RRP12: variants seen among roughly 807,000 people sequenced by gnomAD.
The protein encoded by RRP12 is ribosomal RNA processing 12 homolog.
In RRP12, 78 loss-of-function variants were observed where a neutral mutation model predicts 157.3. The observed-to-expected ratio is 0.50, with a 90% CI of 0.41 to 0.60. The LOEUF is 0.60. RRP12 is among the 20% of genes least tolerant of loss of function. RRP12 has a pLI of 0.00. For missense variants in RRP12, 1,521 were observed against 1,679.9 expected (o/e 0.91, Z 1.65); for synonymous variants, 726 against 670.9 (o/e 1.08, Z -1.27).
intron 15 of RRP12, among the ~76,000 whole-genome samples, chr10:97,378,088 T>C (rs1026058162): frequency 2.0e-5 from 3 of 151,688 alleles, no homozygotes; most frequent in Non-Finnish European, 2.9e-5. Flanking sequence ...AGAAGATAAA[T>C]AGAGAGAGGA....
In RRP12 at chr10:97,370,916, C is replaced by G. The variant is rs1021369163; in HGVS notation, c.2502+7G>C. The G allele has an allele frequency of 6.2e-7, 1 of 1,613,956 alleles. No homozygotes were observed. The highest frequency in any genetic ancestry group is 8.5e-7 in the Non-Finnish European group (1 of 1,179,898). On this transcript the variant is annotated splice_region_variant and intron_variant, in intron 21 of 33. Coordinates refer to ENST00000370992, the MANE Select transcript of RRP12 (RefSeq NM_015179.4). The stretch of plus-strand genomic sequence containing the variant: ...CTCGGCAGAGCGGGTGGCCCTAGAG[C>G]CCTCACCCTCTTGGCGGGTGAGGAG...
At chr10:97,373,766 G>A (rs1844226952) in intron 16 of RRP12, 29 bp from the exon 17 acceptor site, 2 of 1,612,762 alleles carry the variant, frequency 1.2e-6, no homozygotes, top group South Asian at 1.1e-5. Flanking sequence ...ATAAAGGAAG[G>A]TGACACGCAG....
intron 13 of RRP12, among the ~76,000 whole-genome samples, chr10:97,380,232 C>T (rs1844428696): frequency 1.3e-5 from 2 of 152,194 alleles, no homozygotes; most frequent in Non-Finnish European, 2.9e-5. Flanking sequence ...GAGACCCTGT[C>T]CTCCCACCAG....
intron 13 of RRP12, 124 bp from the exon 14 acceptor site, chr10:97,379,894 G>C: frequency 4.5e-6 from 4 of 885,624 alleles, no homozygotes; most frequent in Non-Finnish European, 6.5e-6. Context: ...AGAGGGTACA[G>C]ACTGAGAACC....
At position 97,390,493 on chromosome 10, in the gene RRP12, G is replaced by A. The variant is rs1209403600; in HGVS notation, c.683C>T (p.Ala228Val). The A allele has an allele frequency of 1.2e-6, 2 of 1,613,992 alleles. No individual in the cohort carries two copies. Among genetic ancestry groups the A allele is most frequent in the Non-Finnish European group, 1.7e-6 (2 of 1,180,032 alleles). ...ATLLRKQDLE[A>V]WGYPVTLQVY... The stretch of plus-strand genomic sequence containing the variant: ...CTGAAGGGTCACGGGGTAGCCCCAG[G>A]CCTCCAGGTCTTGCTTCCGCAGAAG... Residue 228 changes from alanine to valine, a missense_variant, in exon 6 of 34, where the codon GCC becomes GTC. Transcript: ENST00000370992.
Position 97,370,252 on chromosome 10 carries a change from G to A in RRP12, c.2712C>T (p.Val904=), listed in dbSNP as rs1474703024. 6.3e-7 allele frequency: 1 copy of A among 1,599,780 alleles called. No individual in the cohort carries two copies. Residue 904 remains valine, a synonymous_variant, in exon 24 of 34, where the codon GTC becomes GTT. Coordinates refer to ENST00000370992, the MANE Select transcript of RRP12 (RefSeq NM_015179.4). ...NQEEALQCYL[V]LIYPGLVGAV... ...CGCCCACCAGGCCAGGGTAGATCAG[G>A]ACGAGGTAGCACTGCAGGGCCTCTG...
intron 6 of RRP12, among the ~76,000 whole-genome samples, chr10:97,389,070 G>A (rs1001549474): frequency 6.6e-6 from 1 of 152,120 alleles, no homozygotes; most frequent in Non-Finnish European, 1.5e-5. Context: ...GTACTTTGCA[G>A]ATAACCAAGC....
chr10:97,379,486 C>T, intron 14 of RRP12, 72 bp from the exon 15 acceptor site: 1 of 1,603,170 alleles, frequency 6.2e-7, no homozygotes, highest in East Asian at 2.2e-5. Flanking sequence ...GCATACTGAG[C>T]CCAGGACAGA....
intron 10 of RRP12, among the ~76,000 whole-genome samples, chr10:97,382,196 T>C (rs1206844237): frequency 6.6e-6 from 1 of 152,142 alleles, no homozygotes; most frequent in Non-Finnish European, 1.5e-5. Context: ...CTTTTTTTTT[T>C]TTGCAGTGGT....
intron 33 of RRP12, among the ~76,000 whole-genome samples, chr10:97,358,277 G>A (rs1445878272): frequency 6.6e-6 from 1 of 151,996 alleles, no homozygotes; most frequent in Non-Finnish European, 1.5e-5. Flanking sequence ...AGATTGCAGT[G>A]AGCCAAGATC....
rs748776619 is a variant in RRP12 at position 97,358,552 on chromosome 10, C to T, written c.3776G>A (p.Ser1259Asn). 2 of 1,613,804 alleles carry T rather than the reference C, an allele frequency of 1.2e-6. No homozygotes were observed. The highest frequency in any genetic ancestry group is 2.7e-5 in the African/African-American group (2 of 74,876). Reference sequence around the variant, plus strand: ...AGCGTCATACCTGCGGTTGAGCTTGCTTCTGTTGAGGGGGATGTAGGCATA... The same window carrying T: ...AGCGTCATACCTGCGGTTGAGCTTGTTTCTGTTGAGGGGGATGTAGGCATA... ...DPYAYIPLNR[S>N]KLNRRKKMKL... Residue 1259 changes from serine (S) to asparagine (N), a missense_variant, in exon 33 of 34, where the codon AGC (serine) becomes AAC (asparagine). Coordinates refer to ENST00000370992, the MANE Select transcript of RRP12 (RefSeq NM_015179.4).
chr10:97,374,103 C>G (rs1431370161), intron 15 of RRP12, among the ~76,000 whole-genome samples: 1 of 152,190 alleles, frequency 6.6e-6, no homozygotes, highest in East Asian at 1.9e-4. Flanking sequence ...TACTCTTACT[C>G]CCCCAGAGAT....
At chr10:97,394,817 CT>C (rs1844910318) in intron 3 of RRP12, among the ~76,000 whole-genome samples, 1 of 152,156 alleles carries the variant, frequency 6.6e-6, no homozygotes, top group Admixed American at 6.6e-5. Flanking sequence ...GTTGTATGTT[CT>C]TTTTGTGTGT....
chr10:97,400,212 G>A, intron 2 of RRP12, 93 bp downstream of exon 2: 1 of 892,638 alleles, frequency 1.1e-6, no homozygotes, highest in South Asian at 1.4e-5. Flanking sequence ...AATACCAGCT[G>A]TTGTCATCGG....
At chr10:97,387,934 T>A in intron 8 of RRP12, 1 of 149,014 alleles carries the variant, frequency 6.7e-6, no homozygotes. Flanking sequence ...AGAGCAAAAC[T>A]CGGTCTCAAA....
At chr10:97,400,239 G>A (rs1845101351) in intron 2 of RRP12, 66 bp downstream of exon 2, 13 of 1,206,072 alleles carry the variant, frequency 1.1e-5, no homozygotes, top group Non-Finnish European at 1.6e-5. Context: ...GTCGGCCAGA[G>A]CTGAAGAAAA....
chr10:97,391,242 A>T (rs1303698340), intron 4 of RRP12, among the ~76,000 whole-genome samples: 1 of 152,230 alleles, frequency 6.6e-6, no homozygotes, highest in Non-Finnish European at 1.5e-5. Context: ...ATGTTGTAGA[A>T]TGCCACCTGA....
chr10:97,381,816 C>T lies in RRP12; in HGVS notation c.1219G>A (p.Asp407Asn). Residue 407 changes from aspartate (D) to asparagine (N), a missense_variant, in exon 11 of 34, where the codon GAC becomes AAC. Transcript: ENST00000370992. Reference protein sequence around the residue: ...AHINLVRLQWDLGLGHLPRFF... With the variant: ...AHINLVRLQWNLGLGHLPRFF... Reference sequence around the variant, plus strand: ...CGAGGGAGGTGGCCTAGCCCCAGGTCCCACTGCAACCTGTCAAGACAAAAG... The same window carrying T: ...CGAGGGAGGTGGCCTAGCCCCAGGTTCCACTGCAACCTGTCAAGACAAAAG... 6 of 1,613,658 alleles carry T rather than the reference C, an allele frequency of 3.7e-6. No individual in the cohort carries two copies. Among genetic ancestry groups the T allele is most frequent in the Middle Eastern group, 1.7e-4 (1 of 6,056 alleles).
chr10:97,378,853 G>A (rs751352964), intron 15 of RRP12, among the ~76,000 whole-genome samples: 15 of 149,480 alleles, frequency 1.0e-4, no homozygotes, highest in East Asian at 7.7e-4. Flanking sequence ...GCAAAACTCC[G>A]TCTCAAAAAA....
Sources: gnomAD v4.1 joint callset for allele counts (sites outside exome capture counted in the v4.1 genomes callset) on GRCh38, gnomAD v4.1.1 for gene constraint, MANE v1.5 for transcripts, NCBI Gene and HGNC (gene_info 2026-07-23, HGNC 2026-07-21) for gene names.